Variants in SCN8A observed in about 807,000 individuals in gnomAD.
The protein encoded by SCN8A is sodium voltage-gated channel alpha subunit 8.
A neutral mutation model predicts 184.1 loss-of-function variants in SCN8A; 30 were observed. The ratio of observed to expected loss-of-function variants is 0.16; its 90% CI spans 0.12 to 0.22. SCN8A has a LOEUF of 0.22. SCN8A is among the 10% of genes least tolerant of loss of function. The pLI is 1.00. For synonymous variants in SCN8A, 852 were observed against 907.0 expected (o/e 0.94, Z 1.09); for missense variants, 1,057 against 2,498.9 (o/e 0.42, Z 12.30).
At chr12:51,705,295 A>T (rs530067451) in intron 9 of SCN8A, 122 bp from the exon 10 acceptor site, 52 of 809,624 alleles carry the variant, frequency 6.4e-5, no homozygotes, top group Non-Finnish European at 9.6e-5. Flanking sequence ...GGAGTACTGC[A>T]CAAGGAAACA....
chr12:51,782,273 A>G (rs1412998401), intron 21 of SCN8A, among the ~76,000 whole-genome samples: 6 of 152,254 alleles, frequency 3.9e-5, no homozygotes, highest in African/African-American at 1.4e-4. Context: ...GGTCATTGCT[A>G]TGCTCAGGCT....
At chr12:51,772,300 C>T (rs923255642) in intron 19 of SCN8A, among the ~76,000 whole-genome samples, 1 of 151,650 alleles carries the variant, frequency 6.6e-6, no homozygotes, top group Non-Finnish European at 1.5e-5. Context: ...GAGGCTGAGG[C>T]AGGAGAATTG....
intron 26 of SCN8A, among the ~76,000 whole-genome samples, chr12:51,805,693 G>A (rs1226350303): frequency 1.3e-5 from 2 of 152,076 alleles, no homozygotes; most frequent in East Asian, 1.9e-4. Context: ...AGGAGTTCAA[G>A]ACCAGCCTGG....
intron 5 of SCN8A, chr12:51,688,630 T>G: frequency 1.5e-6 from 1 of 668,834 alleles, no homozygotes; most frequent in Non-Finnish European, 2.7e-6. Context: ...ATGTTTGTAT[T>G]TTGAAGCTTT....
In SCN8A at chr12:51,806,963, C is replaced by G; in HGVS notation, c.5477C>G (p.Thr1826Ser). ...CCTCTCCGAGTGCCCAAGCCCAATACCATTGAGCTCATCGCTATGGATCTG... is the reference window on the plus strand; with the variant it reads ...CCTCTCCGAGTGCCCAAGCCCAATAGCATTGAGCTCATCGCTATGGATCTG... ...EHPLRVPKPN[T>S]IELIAMDLPM... Residue 1826 changes from threonine to serine, a missense_variant, in exon 27 of 27, where the codon ACC becomes AGC. Coordinates refer to ENST00000627620, the MANE Select transcript of SCN8A (RefSeq NM_001330260.2). The surrounding 1 kb of genome is among the most constrained non-coding windows in gnomAD (Gnocchi z 8.7). 1 of 1,614,016 alleles carries G rather than the reference C, an allele frequency of 6.2e-7. No individual in the cohort carries two copies. The highest frequency in any genetic ancestry group is 8.5e-7 in the Non-Finnish European group (1 of 1,179,884).
rs1461730233 is a variant in SCN8A, at chr12:51,809,840, G to C, written c.*2411G>C. The stretch of plus-strand genomic sequence containing the variant: ...TACTTTTCTTTCTTCTTAGAACTTA[G>C]ATGCTGTCAGCCAATGTACATCCCC... On this transcript the variant is annotated 3_prime_UTR_variant, in exon 27 of 27. Coordinates refer to ENST00000627620, the MANE Select transcript of SCN8A (RefSeq NM_001330260.2). The C allele has an allele frequency of 6.6e-6, 1 of 151,958 alleles. No individual in the cohort carries two copies. Among genetic ancestry groups the C allele is most frequent in the African/African-American group, 2.4e-5 (1 of 41,358 alleles). The allele number at this position is 151,958 out of a possible 1,614,324, so 9.4% of individuals were successfully genotyped here.
At chr12:51,674,481 C>T (rs757010479) in intron 2 of SCN8A, among the ~76,000 whole-genome samples, 6 of 152,090 alleles carry the variant, frequency 3.9e-5, no homozygotes, top group African/African-American at 1.2e-4. Flanking sequence ...TACAGGTGCA[C>T]GCCACCACGC....
At chr12:51,619,799 G>T (rs10876202) in intron 1 of SCN8A, among the ~76,000 whole-genome samples, 12,803 of 152,214 alleles carry the variant, frequency 0.084, 861 homozygotes, top group East Asian at 0.36. Context: ...TAACAGTCAA[G>T]AGGATTTAGA....
At chr12:51,679,284 A>C (rs1482613974) in intron 2 of SCN8A, among the ~76,000 whole-genome samples, 1 of 152,114 alleles carries the variant, frequency 6.6e-6, no homozygotes, top group Non-Finnish European at 1.5e-5. Flanking sequence ...AGCTAGTCAG[A>C]TGATTCTTAT....
chr12:51,721,802 C>G lies in SCN8A; in HGVS notation c.1892C>G (p.Pro631Arg). 6.2e-7 allele frequency: 1 copy of G among 1,609,510 alleles called. No homozygotes were observed. The highest frequency in any genetic ancestry group is 8.5e-7 in the Non-Finnish European group (1 of 1,179,460). The change falls in exon 12 of 27, where the codon CCC becomes CGC. Residue 631 changes from proline to arginine, a missense_variant. By Grantham distance (103) the Pro-to-Arg change is moderately radical. Transcript: ENST00000627620. ...SQGSRSSRIFPSLRRSVKRNS... is the reference protein window; with the variant it reads ...SQGSRSSRIFRSLRRSVKRNS... ...GGCAGCCGCTCCTCGCGCATCTTCC[C>G]CAGCCTGCGGCGCAGCGTGAAGCGC...
chr12:51,694,204 A>T (rs1941557597), intron 6 of SCN8A, among the ~76,000 whole-genome samples: 1 of 152,208 alleles, frequency 6.6e-6, no homozygotes, highest in South Asian at 2.1e-4. Flanking sequence ...AAGTGCTGAG[A>T]TTACAAGTGT....
intron 5 of SCN8A, 44 bp downstream of exon 5, chr12:51,687,263 G>A: frequency 1.2e-6 from 2 of 1,607,682 alleles, no homozygotes; most frequent in Non-Finnish European, 8.5e-7. Flanking sequence ...GTGTGATTCT[G>A]TGTGTGGAGT....
intron 14 of SCN8A, among the ~76,000 whole-genome samples, chr12:51,758,323 A>G (rs1942708822): frequency 6.6e-6 from 1 of 152,236 alleles, no homozygotes; most frequent in Non-Finnish European, 1.5e-5. Flanking sequence ...CACCTATCAC[A>G]CATGAACATA....
In SCN8A at chr12:51,811,463, C is replaced by A. The variant is rs1480456520; in HGVS notation, c.*4034C>A. The stretch of plus-strand genomic sequence containing the variant: ...CCTTTTTCACCTGTATGTTAAAAAA[C>A]AAAAACAAAAAAACCCTATCCCTGT... On this transcript the variant is annotated 3_prime_UTR_variant, in exon 27 of 27. Coordinates refer to ENST00000627620, the MANE Select transcript of SCN8A (RefSeq NM_001330260.2). 1.3e-5 allele frequency: 2 copies of A among 152,190 alleles called. No homozygotes were observed. Among genetic ancestry groups the A allele is most frequent in the Non-Finnish European group, 2.9e-5 (2 of 68,084 alleles). The allele number at this position is 152,190 out of a possible 1,614,324, so 9.4% of individuals were successfully genotyped here.
chr12:51,623,498 A>C (rs1408519830), intron 1 of SCN8A, among the ~76,000 whole-genome samples: 1 of 152,216 alleles, frequency 6.6e-6, no homozygotes, highest in Non-Finnish European at 1.5e-5. Flanking sequence ...CATGTAAAGC[A>C]GGTTCAGATT....
intron 2 of SCN8A, among the ~76,000 whole-genome samples, chr12:51,675,265 A>G (rs552667701): frequency 2.9e-4 from 44 of 152,310 alleles, no homozygotes; most frequent in Non-Finnish European, 5.1e-4. Flanking sequence ...TCTGCCCGGT[A>G]TGGCTTCCTG....
At chr12:51,715,399 G>T (rs570227979) in intron 11 of SCN8A, among the ~76,000 whole-genome samples, 35 of 152,068 alleles carry the variant, frequency 2.3e-4, no homozygotes, top group African/African-American at 6.0e-4. Flanking sequence ...GTTTCAAGAG[G>T]GCAGGGACCA....
intron 13 of SCN8A, among the ~76,000 whole-genome samples, chr12:51,749,730 CT>C (rs1230041370): frequency 6.6e-6 from 1 of 152,062 alleles, no homozygotes; most frequent in Non-Finnish European, 1.5e-5. Flanking sequence ...ACCACCTTGT[CT>C]AAAATAAAGC....
chr12:51,780,347 T>A, intron 20 of SCN8A: 1 of 348,852 alleles, frequency 2.9e-6, no homozygotes, highest in Non-Finnish European at 5.5e-6. Context: ...CCTGTCAGCC[T>A]CTCCCCTTTT....
Sources: gnomAD v4.1 joint callset for allele counts (sites outside exome capture counted in the v4.1 genomes callset) on GRCh38, gnomAD v4.1.1 for gene constraint, Gnocchi (gnomAD v3.1) non-coding constraint, MANE v1.5 for transcripts, NCBI Gene and HGNC (gene_info 2026-07-23, HGNC 2026-07-21) for gene names.